The following PCDHA8 variants were observed in gnomAD, a reference collection of about 807,000 sequenced individuals.
PCDHA8 encodes protocadherin alpha-8.
In PCDHA8, 53 loss-of-function variants were observed where a neutral mutation model predicts 61.8. That is an observed-to-expected ratio of 0.86 (90% CI 0.69 to 1.08). The LOEUF is 1.08. PCDHA8 is among the 50% of genes least tolerant of loss of function. The pLI, the probability that PCDHA8 is intolerant of heterozygous loss-of-function variation, is 0.00. For missense variants in PCDHA8, 1,293 were observed against 1,245.0 expected, an observed-to-expected ratio of 1.04 and a Z score of -0.58; for synonymous variants, 618 against 556.6, an observed-to-expected ratio of 1.11 and a Z score of -1.55.
At chr5:141,000,538 A>C (rs31871) in intron 3 of PCDHA8, among the ~76,000 whole-genome samples, 70,673 of 145,962 alleles carry the variant, frequency 0.48, 18,171 homozygotes, top group African/African-American at 0.68. Flanking sequence ...AGTGATTCTC[A>C]TGCCTCAAAC....
chr5:140,856,465 C>G (rs2044013823), intron 1 of PCDHA8: 1 of 1,598,234 alleles, frequency 6.3e-7, no homozygotes, highest in Non-Finnish European at 8.6e-7. Flanking sequence ...AACAAAAGCT[C>G]TCAATACCTG....
chr5:140,896,391 A>G (rs1438393041), intron 1 of PCDHA8, among the ~76,000 whole-genome samples: 2 of 152,040 alleles, frequency 1.3e-5, no homozygotes, highest in Non-Finnish European at 2.9e-5. Context: ...CCTCACCAGC[A>G]TCTGTTATTT....
At chr5:140,893,768 CT>C (rs1171880038) in intron 1 of PCDHA8, among the ~76,000 whole-genome samples, 1 of 152,132 alleles carries the variant, frequency 6.6e-6, no homozygotes, top group Non-Finnish European at 1.5e-5. Flanking sequence ...TGACTTGTCA[CT>C]TTTCTTTTAC....
In PCDHA8 at chr5:140,843,697, T is replaced by C. The variant is rs2150365268; in HGVS notation, c.2376T>C (p.Asn792=). 3.9e-5 allele frequency: 61 copies of C among 1,583,460 alleles called. 6 individuals carry two copies. Among genetic ancestry groups the C allele is most frequent in the Middle Eastern group, 1.7e-4 (1 of 5,990 alleles). The part of the protein sequence containing the change: ...SVDVGEEQDL[N]VDHGLKPRQP... ...ATGTAGGCGAAGAGCAAGATTTAAA[T>C]GTTGATCATGGCCTCAAAGTAAGTC... Residue 792 remains asparagine, a synonymous_variant, in exon 1 of 4, where the codon AAT becomes AAC. Coordinates refer to ENST00000531613, the MANE Select transcript of PCDHA8 (RefSeq NM_018911.3).
In PCDHA8 at chr5:140,842,845, T is replaced by G. The variant is rs2150346151; in HGVS notation, c.1524T>G (p.Ile508Met). The G allele has an allele frequency of 0.012, 19,312 of 1,593,596 alleles. 3,039 individuals are homozygous for G. In the African/African-American group the frequency reaches 0.23, roughly 19 times the overall value. Residue 508 changes from isoleucine (I) to methionine (M), a missense_variant, in exon 1 of 4, where the codon ATT becomes ATG. Transcript: ENST00000531613. Reference sequence around the variant, plus strand: ...GCGAGCGCTCGCTGTCGAGCTACATTTCGGTGCACACGGAGAGCGGCAAGG... The same window carrying G: ...GCGAGCGCTCGCTGTCGAGCTACATGTCGGTGCACACGGAGAGCGGCAAGG... ...RVGERSLSSYISVHTESGKVY... is the reference protein window; with the variant it reads ...RVGERSLSSYMSVHTESGKVY...
chr5:140,966,740 C>T lies in PCDHA8; in HGVS notation c.2395-12209C>T, dbSNP rs782420339. 10 of 1,422,580 alleles carry T rather than the reference C, an allele frequency of 7.0e-6. No individual in the cohort carries two copies. In the Admixed American group the frequency reaches 8.4e-5, roughly 12 times the overall value. 88.1% of individuals were successfully genotyped at this position (1,422,580 alleles called of 1,614,324 possible). ...GGAAGCTGCCGCCTCCGGCCCTGCC[C>T]GGCTGCCTCCGCCGCGGCCAGTGGC... On this transcript the variant is annotated intron_variant, in intron 1 of 3. Transcript: ENST00000531613.
chr5:140,871,208 C>A (rs782698436), intron 1 of PCDHA8: 1 of 1,613,802 alleles, frequency 6.2e-7, no homozygotes, highest in Non-Finnish European at 8.5e-7. Context: ...CTGATCATCG[C>A]CATCTGCGTG....
At chr5:140,914,166 G>A (rs183790385) in intron 1 of PCDHA8, among the ~76,000 whole-genome samples, 2 of 152,250 alleles carry the variant, frequency 1.3e-5, no homozygotes, top group African/African-American at 2.4e-5. Context: ...TACGGAAAGT[G>A]GGGTGTTGAA....
At chr5:140,999,605 G>T (rs1587843541) in intron 3 of PCDHA8, among the ~76,000 whole-genome samples, 2 of 152,132 alleles carry the variant, frequency 1.3e-5, no homozygotes, top group Admixed American at 1.3e-4. Context: ...CATCCTGGGG[G>T]ACCTTATCAA....
At chr5:141,009,166 T>C (rs949376056) in intron 3 of PCDHA8, among the ~76,000 whole-genome samples, 98 of 152,230 alleles carry the variant, frequency 6.4e-4, no homozygotes, top group African/African-American at 2.2e-3. Context: ...CTGTAAATAC[T>C]GGCCTTGGCT....
chr5:141,010,408 A>G lies in PCDHA8; in HGVS notation c.*471A>G. 1 of 1,251,364 alleles carries G rather than the reference A, an allele frequency of 8.0e-7. No homozygotes were observed. Among genetic ancestry groups the G allele is most frequent in the Non-Finnish European group, 1.1e-6 (1 of 926,828 alleles). 77.5% of individuals were successfully genotyped at this position (1,251,364 alleles called of 1,614,324 possible). ...GGCTGAGACGAGCCAGCTTAGACTA[A>G]TTGGTACAAGGAAGGCAAGAAAACA... On this transcript the variant is annotated 3_prime_UTR_variant, in exon 4 of 4. Transcript: ENST00000531613.
At chr5:140,983,641 C>T (rs1030470329) in intron 3 of PCDHA8, among the ~76,000 whole-genome samples, 4 of 152,164 alleles carry the variant, frequency 2.6e-5, no homozygotes, top group Admixed American at 1.3e-4. Flanking sequence ...CCCAAGTTCA[C>T]GTAGCTTGTA....
intron 1 of PCDHA8, chr5:140,871,406 T>A: frequency 6.2e-7 from 1 of 1,614,032 alleles, no homozygotes; most frequent in African/African-American, 1.3e-5. Context: ...AAGACGGACC[T>A]CATGGCCTTC....
intron 1 of PCDHA8, among the ~76,000 whole-genome samples, chr5:140,900,835 C>A (rs1023887892): frequency 1.3e-5 from 2 of 152,150 alleles, no homozygotes; most frequent in African/African-American, 4.8e-5. Flanking sequence ...CAACAATGTA[C>A]AAAGTTTCCC....
chr5:140,864,875 T>G (rs1554159183), intron 1 of PCDHA8: 1 of 152,186 alleles, frequency 6.6e-6, no homozygotes, highest in Non-Finnish European at 1.5e-5. Context: ...TACCATTGTC[T>G]GTGTTCATTA....
In PCDHA8 at chr5:140,849,837, G is replaced by A. The variant is rs2150452785; in HGVS notation, c.2394+6122G>A. The A allele has an allele frequency of 9.4e-6, 15 of 1,598,674 alleles. 2 individuals are homozygous for A. The Admixed American group carries it at 2.0e-4, about 22-fold the overall frequency. On this transcript the variant is annotated intron_variant, in intron 1 of 3. Coordinates refer to ENST00000531613, the MANE Select transcript of PCDHA8 (RefSeq NM_018911.3). ...CAGGGTGTCTGTGGAGGTGGCCGAC[G>A]TGAACGACAACGCACCAGCGTTCGC...
At chr5:140,883,240 C>G in intron 1 of PCDHA8, 1 of 1,613,998 alleles carries the variant, frequency 6.2e-7, no homozygotes, top group Non-Finnish European at 8.5e-7. Context: ...AGGCAGTTGA[C>G]AAAGGAAATA....
chr5:140,881,510 A>G (rs2058738971), intron 1 of PCDHA8: 1 of 210,204 alleles, frequency 4.8e-6, no homozygotes, highest in Non-Finnish European at 8.3e-6. Context: ...ACACTCACAT[A>G]CAAAATCCCA....
At chr5:140,955,155 C>T (rs1241099289) in intron 1 of PCDHA8, among the ~76,000 whole-genome samples, 1 of 152,088 alleles carries the variant, frequency 6.6e-6, no homozygotes, top group Non-Finnish European at 1.5e-5. Context: ...GTACCAGTAC[C>T]GTGCTGTTTT....
Sources: allele counts gnomAD v4.1 joint callset (sites outside exome capture counted in the v4.1 genomes callset), GRCh38; gene constraint gnomAD v4.1.1; transcripts MANE v1.5; gene names NCBI Gene and HGNC (gene_info 2026-07-23, HGNC 2026-07-21).